DENND1B: variants seen among roughly 807,000 people sequenced by gnomAD.
The protein encoded by DENND1B is DENN domain-containing protein 1B.
DENND1B carries 59 observed loss-of-function variants against 90.1 expected under a neutral mutation model. The ratio of observed to expected loss-of-function variants is 0.65; its 90% CI spans 0.53 to 0.81. The LOEUF (loss-of-function observed/expected upper bound fraction) is 0.81. DENND1B is among the 40% of genes least tolerant of loss of function. The pLI, the probability that DENND1B is intolerant of heterozygous loss-of-function variation, is 0.00. For missense variants in DENND1B, 862 were observed against 912.6 expected, an observed-to-expected ratio of 0.94 and a Z score of 0.71; for synonymous variants, 337 against 324.6, an observed-to-expected ratio of 1.04 and a Z score of -0.41.
chr1:197,770,753 AATAT>A (rs1172310568), intron 2 of DENND1B, among the ~76,000 whole-genome samples: 1 of 141,144 alleles, frequency 7.1e-6, no homozygotes, highest in South Asian at 2.1e-4. Context: ...TATATCTATA[AATAT>A]ATATAAATAT....
chr1:197,583,246 G>C lies in DENND1B; in HGVS notation c.1055C>G (p.Pro352Arg). 2 of 1,613,604 alleles carry C rather than the reference G, an allele frequency of 1.2e-6. No homozygotes were observed. Among genetic ancestry groups the C allele is most frequent in the Non-Finnish European group, 1.7e-6 (2 of 1,179,712 alleles). ...RDALRYKPGE[P>R]ITFCEESFVK... Reference sequence around the variant, plus strand: ...AAAACTCTCCTCACAGAAAGTGATGGGCTCACCCTAGATAGAAATAAAGAT... The same window carrying C: ...AAAACTCTCCTCACAGAAAGTGATGCGCTCACCCTAGATAGAAATAAAGAT... The change falls in exon 15 of 23, where the codon CCC (proline) becomes CGC (arginine). Residue 352 changes from proline (P) to arginine (R), a missense_variant. By Grantham distance (103) the Pro-to-Arg change is moderately radical (BLOSUM62 -2). Transcript: ENST00000620048.
intron 3 of DENND1B, among the ~76,000 whole-genome samples, chr1:197,681,921 T>C (rs1282718691): frequency 6.6e-6 from 1 of 152,174 alleles, no homozygotes; most frequent in Non-Finnish European, 1.5e-5. Context: ...TGATAAAATA[T>C]GTTTCAGAGC....
intron 3 of DENND1B, among the ~76,000 whole-genome samples, chr1:197,675,506 T>C (rs1003975793): frequency 3.3e-5 from 5 of 152,120 alleles, no homozygotes; most frequent in African/African-American, 1.2e-4. Context: ...ATCATGTACC[T>C]TTAAAAATAT....
chr1:197,645,767 T>C (rs1423570273), intron 8 of DENND1B, 24 bp from the exon 9 acceptor site: 6 of 1,487,988 alleles, frequency 4.0e-6, no homozygotes, highest in Non-Finnish European at 5.4e-6. Context: ...ATAAATCACA[T>C]ATGAAAAAGA....
At chr1:197,645,523 GAAGAA>G (rs1177328982) in intron 9 of DENND1B, among the ~76,000 whole-genome samples, 162 bp downstream of exon 9, 2 of 151,882 alleles carry the variant, frequency 1.3e-5, no homozygotes, top group East Asian at 3.9e-4. Context: ...GATATATAAA[GAAGAA>G]AAGAAAATAA....
intron 13 of DENND1B, among the ~76,000 whole-genome samples, chr1:197,603,405 T>A (rs1354687975): frequency 6.6e-6 from 1 of 151,296 alleles, no homozygotes; most frequent in Admixed American, 6.6e-5. Flanking sequence ...AGATATACCA[T>A]TAACAGTATA....
intron 10 of DENND1B, among the ~76,000 whole-genome samples, chr1:197,635,104 T>G (rs1572143495): frequency 6.6e-6 from 1 of 152,180 alleles, no homozygotes; most frequent in Non-Finnish European, 1.5e-5. Flanking sequence ...GAAACTTTCA[T>G]TATTTAAAGA....
intron 2 of DENND1B, among the ~76,000 whole-genome samples, chr1:197,738,721 G>A (rs1052609298): frequency 1.3e-5 from 2 of 152,170 alleles, no homozygotes; most frequent in Non-Finnish European, 2.9e-5. Flanking sequence ...TTCCAGCCAA[G>A]AGAAAGTACA....
At chr1:197,555,178 A>G (rs1003587473) in intron 15 of DENND1B, among the ~76,000 whole-genome samples, 2 of 152,126 alleles carry the variant, frequency 1.3e-5, no homozygotes, top group Admixed American at 6.6e-5. Flanking sequence ...ATTAAAAAAA[A>G]TTAACTCAAG....
chr1:197,617,179 C>A (rs1406797342), intron 11 of DENND1B, among the ~76,000 whole-genome samples: 1 of 151,010 alleles, frequency 6.6e-6, no homozygotes, highest in Non-Finnish European at 1.5e-5. Flanking sequence ...TTAGAGACAA[C>A]CCCTTTATCA....
At chr1:197,581,350 T>C (rs1674220112) in intron 15 of DENND1B, among the ~76,000 whole-genome samples, 1 of 152,176 alleles carries the variant, frequency 6.6e-6, no homozygotes, top group African/African-American at 2.4e-5. Flanking sequence ...ACATAATTAG[T>C]TCTTTGGTTG....
At chr1:197,775,920 C>T (rs1012296279), upstream of DENND1B, among the ~76,000 whole-genome samples, 1 of 152,198 alleles carries the variant, frequency 6.6e-6, no homozygotes, top group Non-Finnish European at 1.5e-5. Context: ...GGCCTGCTTA[C>T]AGCTCTCTGA....
intron 3 of DENND1B, among the ~76,000 whole-genome samples, chr1:197,712,709 C>A (rs1337039878): frequency 1.6e-4 from 1 of 6,224 alleles, no homozygotes. Context: ...AAAGCAATGG[C>A]AACAAAAGCC....
chr1:197,652,281 T>A lies in DENND1B; in HGVS notation c.401A>T (p.Tyr134Phe). ...ATTTGCCTTTGGTACTGGGTGGTTATACAGTGATCTGAGAGTTTCATTCAA... is the reference window on the plus strand; with the variant it reads ...ATTTGCCTTTGGTACTGGGTGGTTAAACAGTGATCTGAGAGTTTCATTCAA... ...NDLNETLRSL[Y>F]NHPVPKANTP... Residue 134 changes from tyrosine (Y) to phenylalanine (F), a missense_variant, in exon 7 of 23, where the codon TAT (tyrosine) becomes TTT (phenylalanine). By Grantham distance (22) the Tyr-to-Phe change is conservative (BLOSUM62 3). Transcript: ENST00000620048. 1 of 1,611,912 alleles carries A rather than the reference T, an allele frequency of 6.2e-7. No homozygotes were observed.
rs557952403 is a variant in DENND1B, at chr1:197,631,766, A to G, written c.672+10945T>C. The stretch of plus-strand genomic sequence containing the variant: ...AATTACTATATATAACCTTTATCTT[A>G]TGTCTGTTTAACATACATGTGTATA... On this transcript the variant is annotated intron_variant, in intron 10 of 22. Transcript: ENST00000620048. 2.6e-5 allele frequency among the ~76,000 whole-genome samples: 4 copies of G among 152,070 alleles called. No individual in the cohort carries two copies. In the South Asian group the frequency reaches 8.3e-4, roughly 32 times the overall value.
intron 15 of DENND1B, among the ~76,000 whole-genome samples, chr1:197,553,715 A>G (rs187785423): frequency 5.2e-4 from 79 of 152,266 alleles, no homozygotes; most frequent in African/African-American, 1.9e-3. Flanking sequence ...AATTTTAACC[A>G]TTTACAATAA....
chr1:197,687,962 A>G (rs1657427506), intron 3 of DENND1B, among the ~76,000 whole-genome samples: 1 of 152,150 alleles, frequency 6.6e-6, no homozygotes, highest in Non-Finnish European at 1.5e-5. Flanking sequence ...ACAAATTCAG[A>G]AAAATTTGTT....
At chr1:197,751,799 G>A (rs936117400) in intron 2 of DENND1B, among the ~76,000 whole-genome samples, 3 of 151,238 alleles carry the variant, frequency 2.0e-5, no homozygotes, top group East Asian at 3.9e-4. Context: ...AGCCAAGATC[G>A]TGCCACTACA....
intron 2 of DENND1B, among the ~76,000 whole-genome samples, chr1:197,766,266 T>C (rs938477613): frequency 4.6e-5 from 7 of 152,188 alleles, no homozygotes; most frequent in African/African-American, 1.7e-4. Context: ...ATTTAGCTTA[T>C]ACAGTTTGCA....
Sources: gnomAD v4.1 joint callset for allele counts (sites outside exome capture counted in the v4.1 genomes callset) on GRCh38, gnomAD v4.1.1 for gene constraint, MANE v1.5 for transcripts, NCBI Gene and HGNC (gene_info 2026-07-23, HGNC 2026-07-21) for gene names.